The following METTL15 variants were observed in gnomAD, a reference collection of about 807,000 sequenced individuals.
METTL15 encodes 12S rRNA N(4)-cytidine methyltransferase METTL15.
Under a neutral mutation model 38.3 loss-of-function variants are expected in METTL15, and 34 were observed. That is an observed-to-expected ratio of 0.89 (90% CI 0.68 to 1.18). The LOEUF is 1.18. METTL15 is among the 50% of genes most tolerant of loss of function. The pLI is 0.00. For synonymous variants in METTL15, 162 were observed against 170.9 expected (o/e 0.95, Z 0.41); for missense variants, 438 against 498.4 (o/e 0.88, Z 1.15).
intron 6 of METTL15, among the ~76,000 whole-genome samples, chr11:28,492,715 T>C: frequency 6.6e-6 from 1 of 152,166 alleles, no homozygotes; most frequent in African/African-American, 2.4e-5. Flanking sequence ...GTTTGTAGCA[T>C]TGACTAGCAT....
At chr11:28,373,085 G>A (rs1480354103) in intron 5 of METTL15, among the ~76,000 whole-genome samples, 1 of 152,104 alleles carries the variant, frequency 6.6e-6, no homozygotes, top group Admixed American at 6.6e-5. Context: ...AAACATACGT[G>A]TGCATGTGTC....
chr11:28,504,048 A>T (rs1275853274), intron 6 of METTL15, among the ~76,000 whole-genome samples: 4 of 151,426 alleles, frequency 2.6e-5, no homozygotes, highest in Non-Finnish European at 5.9e-5. Flanking sequence ...AATACAAAAA[A>T]TTAGCTGGGC....
At chr11:28,132,936 T>G (rs1849387333) in intron 3 of METTL15, among the ~76,000 whole-genome samples, 1 of 152,196 alleles carries the variant, frequency 6.6e-6, no homozygotes, top group Non-Finnish European at 1.5e-5. Flanking sequence ...TTTTTGAGTT[T>G]TAATTTTTAT....
chr11:28,368,128 C>CAAAAAAAAAAAAAAAAAAAAAAAAAAAA (rs796151908), intron 5 of METTL15, among the ~76,000 whole-genome samples: 1 of 32,598 alleles, frequency 3.1e-5, no homozygotes. Context: ...TTCTGCATAG[C>CAAAAAAAAAAAAAAAAAAAAAAAAAAAA]AAAAAAAAAA....
At chr11:28,108,704 GCCTACTCCCATTA>G (rs1851590885) in intron 1 of METTL15, among the ~76,000 whole-genome samples, 1 of 152,104 alleles carries the variant, frequency 6.6e-6, no homozygotes, top group South Asian at 2.1e-4. Flanking sequence ...GGACTTCCAG[GCCTACTCCCATTA>G]GTACTGACCG....
chr11:28,159,980 A>C (rs1478976002), intron 3 of METTL15, among the ~76,000 whole-genome samples: 2 of 152,100 alleles, frequency 1.3e-5, no homozygotes, highest in Non-Finnish European at 1.5e-5. Flanking sequence ...AAAGGAGATT[A>C]GCATTTGAGT....
At chr11:28,501,239 A>G (rs1851580576) in intron 6 of METTL15, among the ~76,000 whole-genome samples, 1 of 152,188 alleles carries the variant, frequency 6.6e-6, no homozygotes. Context: ...AATATCAGAG[A>G]GAGGAAGAAT....
At chr11:28,491,778 A>G (rs1164112782) in intron 6 of METTL15, among the ~76,000 whole-genome samples, 1 of 152,202 alleles carries the variant, frequency 6.6e-6, no homozygotes, top group Admixed American at 6.5e-5. Context: ...CTTTTAAATT[A>G]TAAATATGTC....
chr11:28,169,538 A>G (rs557757122), intron 3 of METTL15, among the ~76,000 whole-genome samples: 161 of 152,286 alleles, frequency 1.1e-3, no homozygotes, highest in African/African-American at 3.8e-3. Flanking sequence ...TGGCTGTGGA[A>G]TCACAGGAGG....
intron 4 of METTL15, chr11:28,287,400 G>T (rs879534739): frequency 5.3e-6 from 2 of 380,312 alleles, no homozygotes; most frequent in African/African-American, 2.2e-5. Flanking sequence ...AAATCTGGGG[G>T]CTGATCACTC....
chr11:28,164,977 ATCCTCCCAGG>A (rs1161030816), intron 3 of METTL15, among the ~76,000 whole-genome samples: 2 of 152,138 alleles, frequency 1.3e-5, no homozygotes, highest in Non-Finnish European at 2.9e-5. Flanking sequence ...TTAGCATAAT[ATCCTCCCAGG>A]TTCATCCCAT....
intron 3 of METTL15, among the ~76,000 whole-genome samples, chr11:28,210,081 T>A (rs1375759049): frequency 1.3e-5 from 2 of 152,020 alleles, no homozygotes; most frequent in African/African-American, 2.4e-5. Flanking sequence ...CACATATGTT[T>A]CTTATGATCC....
intron 6 of METTL15, among the ~76,000 whole-genome samples, chr11:28,426,588 T>TG (rs1564927972): frequency 8.7e-6 from 1 of 114,624 alleles, no homozygotes; most frequent in African/African-American, 4.1e-5. Context: ...GCATCTGTTT[T>TG]TTTTTTTTTT....
At chr11:28,280,411 G>A (rs1158227907) in intron 4 of METTL15, among the ~76,000 whole-genome samples, 6 of 151,646 alleles carry the variant, frequency 4.0e-5, no homozygotes, top group African/African-American at 1.2e-4. Context: ...TTTTCTTTTG[G>A]CTGTTCTTAG....
intron 4 of METTL15, among the ~76,000 whole-genome samples, chr11:28,234,469 G>C (rs907582598): frequency 1.3e-5 from 2 of 151,260 alleles, no homozygotes; most frequent in South Asian, 4.2e-4. Context: ...AGCACCTGTT[G>C]TTTCCTGACT....
chr11:28,483,875 A>G (rs1380965980), intron 6 of METTL15, among the ~76,000 whole-genome samples: 1 of 152,208 alleles, frequency 6.6e-6, no homozygotes, highest in Non-Finnish European at 1.5e-5. Flanking sequence ...GTGTACACCT[A>G]GTACCTAGTG....
intron 4 of METTL15, among the ~76,000 whole-genome samples, chr11:28,229,232 G>A (rs1221433684): frequency 6.6e-6 from 1 of 151,816 alleles, no homozygotes; most frequent in Non-Finnish European, 1.5e-5. Context: ...CTAAGATTTT[G>A]GAAACTTTCA....
At chr11:28,244,472 T>C (rs1429162116) in intron 4 of METTL15, among the ~76,000 whole-genome samples, 1 of 152,154 alleles carries the variant, frequency 6.6e-6, no homozygotes, top group Non-Finnish European at 1.5e-5. Flanking sequence ...TGTTTTCTTT[T>C]TTAATTTGTG....
intron 5 of METTL15, among the ~76,000 whole-genome samples, chr11:28,400,546 C>A (rs1850621050): frequency 6.6e-6 from 1 of 151,846 alleles, no homozygotes; most frequent in Admixed American, 6.6e-5. Context: ...AGTTTAAAAC[C>A]AACTTGAATT....
Sources: allele counts gnomAD v4.1 joint callset (sites outside exome capture counted in the v4.1 genomes callset), GRCh38; gene constraint gnomAD v4.1.1; transcripts MANE v1.5; gene names NCBI Gene and HGNC (gene_info 2026-07-23, HGNC 2026-07-21).